Variants in HIPK1 observed in about 807,000 individuals in gnomAD.
The protein encoded by HIPK1 is homeodomain-interacting protein kinase 1.
HIPK1 carries 28 observed loss-of-function variants against 117.1 expected under a neutral mutation model. That is an observed-to-expected ratio of 0.24 (90% CI 0.18 to 0.33). The LOEUF (loss-of-function observed/expected upper bound fraction) is 0.33, where lower values mean the gene tolerates loss of function less well. Ranked by LOEUF, HIPK1 falls within the 10% of genes least tolerant of loss-of-function variation. The pLI, the probability that HIPK1 is intolerant of heterozygous loss-of-function variation, is 1.00. For missense variants in HIPK1, 1,122 were observed against 1,475.1 expected (o/e 0.76, Z 3.92); for synonymous variants, 605 against 562.5 (o/e 1.08, Z -1.07).
chr1:113,931,064 C>T (rs1425323965), intron 1 of HIPK1, among the ~76,000 whole-genome samples: 1 of 152,100 alleles, frequency 6.6e-6, no homozygotes, highest in African/African-American at 2.4e-5. Flanking sequence ...AGTGTGGCTT[C>T]CCGCTCTTGA....
At chr1:113,959,361 C>CA (rs1296007512) in intron 8 of HIPK1, among the ~76,000 whole-genome samples, 1 of 152,050 alleles carries the variant, frequency 6.6e-6, no homozygotes, top group East Asian at 1.9e-4. Context: ...GGAGAAACCA[C>CA]AGGGAGAGCA....
At chr1:113,931,731 A>G (rs1669911116) in intron 1 of HIPK1, among the ~76,000 whole-genome samples, 2 of 152,164 alleles carry the variant, frequency 1.3e-5, no homozygotes, top group Admixed American at 1.3e-4. Flanking sequence ...GCACAGCTCC[A>G]TCAATGATTT....
In HIPK1 at chr1:113,973,666, G is replaced by T. The variant is rs138392484; in HGVS notation, c.*154G>T. On this transcript the variant is annotated 3_prime_UTR_variant, in exon 16 of 16. Transcript: ENST00000426820. ...CCACTGAAGCAGAAGGTTTTTCTCT[G>T]GGGGAACCTGTCTCAGTGTTGACTG... 2 of 770,316 alleles carry T rather than the reference G, an allele frequency of 2.6e-6. No individual in the cohort carries two copies. The highest frequency in any genetic ancestry group is 3.5e-5 in the African/African-American group (2 of 56,854). The allele number at this position is 770,316 out of a possible 1,614,324, so 47.7% of individuals were successfully genotyped here.
rs930382419 is a variant in HIPK1 at position 113,934,483 on chromosome 1, A to G, written c.-3+4951A>G. ...ATTCTAGCTATTATCTTTTAGCAATAAGTACAAGTACCAATGATCTTTTGC... is the reference window on the plus strand; with the variant it reads ...ATTCTAGCTATTATCTTTTAGCAATGAGTACAAGTACCAATGATCTTTTGC... On this transcript the variant is annotated intron_variant, in intron 1 of 15. Transcript: ENST00000426820. 1.2e-4 allele frequency among the ~76,000 whole-genome samples: 18 copies of G among 152,208 alleles called. No individual in the cohort carries two copies. In the East Asian group the frequency reaches 3.3e-3, roughly 28 times the overall value.
chr1:113,949,176 G>A (rs1246781884), intron 2 of HIPK1, among the ~76,000 whole-genome samples: 2 of 152,080 alleles, frequency 1.3e-5, no homozygotes, highest in African/African-American at 4.8e-5. Flanking sequence ...TTATAGAGTG[G>A]CCTGGCCATT....
chr1:113,962,188 T>C, intron 8 of HIPK1, 129 bp from the exon 9 acceptor site: 1 of 839,546 alleles, frequency 1.2e-6, no homozygotes, highest in Non-Finnish European at 1.8e-6. Flanking sequence ...GAAACTTCTT[T>C]GTCTTAAGTG....
chr1:113,931,735 A>C (rs917735793), intron 1 of HIPK1, among the ~76,000 whole-genome samples: 1 of 152,138 alleles, frequency 6.6e-6, no homozygotes, highest in Non-Finnish European at 1.5e-5. Context: ...AGCTCCATCA[A>C]TGATTTGTTG....
In HIPK1 at chr1:113,957,205, C is replaced by A. The variant is rs146758683; in HGVS notation, c.1674C>A (p.Pro558=). 4 of 1,613,428 alleles carry A rather than the reference C, an allele frequency of 2.5e-6. No homozygotes were observed. Among genetic ancestry groups the A allele is most frequent in the Non-Finnish European group, 2.5e-6 (3 of 1,179,524 alleles). The change falls in exon 7 of 16, where the codon CCC becomes CCA. Residue 558 remains proline, a synonymous_variant. Coordinates refer to ENST00000426820, the MANE Select transcript of HIPK1 (RefSeq NM_198268.3). ...MYDTVSQIKS[P]FTTHVAPNTS... ...ATACAGTGAGTCAGATCAAGAGTCC[C>A]TTCACTACACATGTTGCCCCAAATA...
chr1:113,930,301 T>G (rs1361887176), intron 1 of HIPK1, among the ~76,000 whole-genome samples: 1 of 152,268 alleles, frequency 6.6e-6, no homozygotes, highest in Non-Finnish European at 1.5e-5. Flanking sequence ...GTGTGTGGCT[T>G]GTGCGTGTGT....
intron 2 of HIPK1, among the ~76,000 whole-genome samples, chr1:113,950,839 A>C (rs753909481): frequency 7.2e-5 from 11 of 152,184 alleles, no homozygotes; most frequent in Non-Finnish European, 4.4e-5. Context: ...AGCCTTGGGC[A>C]AGTTACTTTA....
chr1:113,952,702 A>T, intron 2 of HIPK1, 64 bp from the exon 3 acceptor site: 3 of 1,193,872 alleles, frequency 2.5e-6, no homozygotes, highest in Non-Finnish European at 3.3e-6. Context: ...GGACTTAGTC[A>T]TGTAGTTAAT....
intron 6 of HIPK1, 109 bp downstream of exon 6, chr1:113,956,920 C>A: frequency 9.4e-7 from 1 of 1,062,834 alleles, no homozygotes; most frequent in Non-Finnish European, 1.4e-6. Context: ...ATAAATCTGG[C>A]TCAGCAGTGC....
chr1:113,961,142 A>C (rs1244993754), intron 8 of HIPK1, among the ~76,000 whole-genome samples: 1 of 152,234 alleles, frequency 6.6e-6, no homozygotes, highest in Non-Finnish European at 1.5e-5. Context: ...TCTTGACAAA[A>C]AGAATTGTCT....
chr1:113,931,590 T>G (rs1669900523), intron 1 of HIPK1, among the ~76,000 whole-genome samples: 1 of 152,186 alleles, frequency 6.6e-6, no homozygotes, highest in Non-Finnish European at 1.5e-5. Flanking sequence ...TTTGAGCAAG[T>G]TCGTTGGTAA....
chr1:113,967,998 A>C, intron 12 of HIPK1, 50 bp downstream of exon 12: 1 of 1,513,714 alleles, frequency 6.6e-7, no homozygotes, highest in Non-Finnish European at 9.0e-7. Context: ...TTTGAGAGAT[A>C]TGTTGCCTTG....
In HIPK1 at chr1:113,936,244, A is replaced by T. The variant is rs544856067; in HGVS notation, c.-2-4138A>T. On this transcript the variant is annotated intron_variant, in intron 1 of 15. Coordinates refer to ENST00000426820, the MANE Select transcript of HIPK1 (RefSeq NM_198268.3). ...GGGGAAGACCAGTGAAAGAATTCTG[A>T]GTTGTCCTTTCCCCTTGGGTGAACT... Among the ~76,000 whole-genome samples, 7 of 152,320 alleles carry T rather than the reference A, an allele frequency of 4.6e-5. No homozygotes were observed. The South Asian group carries it at 1.5e-3, about 32-fold the overall frequency.
Position 113,944,159 on chromosome 1 carries a change from GTTTTTTTTTTTTTTT to G in HIPK1, c.1076+2715_1076+2729del, listed in dbSNP as rs140161727. 7.1e-4 allele frequency among the ~76,000 whole-genome samples: 39 copies of G among 55,238 alleles called. 1 individual carries two copies. The South Asian group carries it at 0.024, about 33-fold the overall frequency. The allele number at this position is 55,238 out of a possible 152,430, so 36.2% of individuals were successfully genotyped here. On this transcript the variant is annotated intron_variant, in intron 2 of 15. Transcript: ENST00000426820. ...TTTGTTTTTTAAATAATAGCCATGG[GTTTTTTTTTTTTTTT>G]TTTTTTTTTTTTTTGAGATGGAGTT...
chr1:113,939,742 A>G (rs1178754522), intron 1 of HIPK1, among the ~76,000 whole-genome samples: 1 of 152,134 alleles, frequency 6.6e-6, no homozygotes, highest in Admixed American at 6.5e-5. Flanking sequence ...GAGAAGATAA[A>G]TATGAAATGG....
chr1:113,964,760 A>G (rs563819370), intron 10 of HIPK1, among the ~76,000 whole-genome samples: 2 of 152,298 alleles, frequency 1.3e-5, no homozygotes, highest in African/African-American at 4.8e-5. Flanking sequence ...ATCCAAGCCA[A>G]TGGTTTTAAC....
Sources: gnomAD v4.1 joint callset for allele counts (sites outside exome capture counted in the v4.1 genomes callset) on GRCh38, gnomAD v4.1.1 for gene constraint, MANE v1.5 for transcripts, NCBI Gene and HGNC (gene_info 2026-07-23, HGNC 2026-07-21) for gene names.